The following ENAH variants were observed in gnomAD, a reference collection of about 807,000 sequenced individuals.
ENAH encodes the protein ENAH actin regulator.
A neutral mutation model predicts 78.7 loss-of-function variants in ENAH; 23 were observed. The observed-to-expected ratio is 0.29, with a 90% CI of 0.21 to 0.41. ENAH has a LOEUF of 0.41. Ranked by LOEUF, ENAH falls within the 10% of genes least tolerant of loss-of-function variation. The pLI is 1.00. For synonymous variants in ENAH, 226 were observed against 241.0 expected (o/e 0.94, Z 0.58); for missense variants, 544 against 691.0 (o/e 0.79, Z 2.39).
intron 1 of ENAH, among the ~76,000 whole-genome samples, chr1:225,646,372 C>G (rs978034206): frequency 5.3e-5 from 8 of 152,056 alleles, no homozygotes; most frequent in African/African-American, 1.9e-4. Context: ...AGAAATCCCC[C>G]CTCATCTCCC....
At chr1:225,556,992 G>A (rs1270498742) in intron 2 of ENAH, among the ~76,000 whole-genome samples, 1 of 152,146 alleles carries the variant, frequency 6.6e-6, no homozygotes, top group Non-Finnish European at 1.5e-5. Flanking sequence ...TTCACCTACA[G>A]ATCAATATGC....
intron 1 of ENAH, 98 bp downstream of exon 1, chr1:225,652,588 G>C: frequency 8.5e-7 from 1 of 1,173,816 alleles, no homozygotes; most frequent in Non-Finnish European, 1.1e-6. Context: ...GGGGAGACGC[G>C]CCGGGCCGGG....
chr1:225,499,708 A>G (rs1328195441), intron 12 of ENAH, among the ~76,000 whole-genome samples: 1 of 152,132 alleles, frequency 6.6e-6, no homozygotes, highest in African/African-American at 2.4e-5. Context: ...AACCCCCTGC[A>G]GATTCAAGAT....
chr1:225,583,889 G>C (rs903782019), intron 1 of ENAH, among the ~76,000 whole-genome samples: 1 of 151,806 alleles, frequency 6.6e-6, no homozygotes, highest in South Asian at 2.1e-4. Flanking sequence ...ACAGTGGCTC[G>C]CACCTGTAAT....
intron 2 of ENAH, among the ~76,000 whole-genome samples, chr1:225,563,650 G>GT (rs1054241197): frequency 6.6e-6 from 1 of 152,040 alleles, no homozygotes; most frequent in African/African-American, 2.4e-5. Flanking sequence ...CTTTTGTTTT[G>GT]TTTTTTACTC....
chr1:225,583,535 G>A (rs549773250), intron 1 of ENAH, among the ~76,000 whole-genome samples: 1 of 152,122 alleles, frequency 6.6e-6, no homozygotes, highest in Admixed American at 6.5e-5. Context: ...ATTAGGCTGG[G>A]CGCAGTGGCA....
intron 1 of ENAH, among the ~76,000 whole-genome samples, chr1:225,594,046 AG>A: frequency 6.6e-6 from 1 of 152,218 alleles, no homozygotes; most frequent in East Asian, 1.9e-4. Flanking sequence ...CTTAGGAAGA[AG>A]GTGAAACGAG....
intron 1 of ENAH, among the ~76,000 whole-genome samples, chr1:225,614,737 T>C (rs1308127384): frequency 6.6e-6 from 1 of 152,148 alleles, no homozygotes; most frequent in Non-Finnish European, 1.5e-5. Flanking sequence ...AAGACATTTA[T>C]TACAGTACTT....
At chr1:225,616,660 C>T (rs1022827524) in intron 1 of ENAH, among the ~76,000 whole-genome samples, 7 of 151,992 alleles carry the variant, frequency 4.6e-5, no homozygotes, top group Non-Finnish European at 2.9e-5. Context: ...GCTCAAAAAT[C>T]AAAAGTGATA....
rs2096210364 is a variant in ENAH at position 225,488,839 on chromosome 1, A to T, written c.*8936T>A. On this transcript the variant is annotated 3_prime_UTR_variant, in exon 14 of 14. Transcript: ENST00000366843. ...AATTATCTTTATCTTCCTAAGACGA[A>T]GCAAAGACTCAGAGCCCTCAAATGG... The T allele has an allele frequency of 6.6e-6, 1 of 152,214 alleles. No individual in the cohort carries two copies. The highest frequency in any genetic ancestry group is 1.5e-5 in the Non-Finnish European group (1 of 68,032). 9.4% of individuals were successfully genotyped at this position (152,214 alleles called of 1,614,324 possible).
intron 1 of ENAH, among the ~76,000 whole-genome samples, chr1:225,635,166 T>C (rs1412730099): frequency 1.3e-5 from 2 of 152,220 alleles, no homozygotes; most frequent in Non-Finnish European, 1.5e-5. Context: ...GTTAAATTTA[T>C]TCCTAGGTGT....
At chr1:225,650,390 G>C (rs1009043181) in intron 1 of ENAH, among the ~76,000 whole-genome samples, 2 of 152,166 alleles carry the variant, frequency 1.3e-5, no homozygotes, top group South Asian at 4.1e-4. Context: ...AAAAACAGAA[G>C]TTACTTTTTA....
At position 225,554,354 on chromosome 1, in the gene ENAH, A is replaced by G. The variant is rs531889234; in HGVS notation, c.349+552T>C. Among the ~76,000 whole-genome samples the G allele has an allele frequency of 6.6e-5, 10 of 152,262 alleles. No homozygotes were observed. In the South Asian group the frequency reaches 1.9e-3, roughly 28 times the overall value. On this transcript the variant is annotated intron_variant, in intron 3 of 13. Coordinates refer to ENST00000366843, the MANE Select transcript of ENAH (RefSeq NM_018212.6). ...TTTTTTTAAAAAGTGATTTCTATAT[A>G]TATTTCTAACCAATATGCACTATCA...
chr1:225,628,834 A>C (rs557873182), intron 1 of ENAH, among the ~76,000 whole-genome samples: 1 of 149,710 alleles, frequency 6.7e-6, no homozygotes, highest in Non-Finnish European at 1.5e-5. Flanking sequence ...TGAACCTGGG[A>C]GGCGGAGGTT....
At chr1:225,529,620 C>A (rs1044390171) in intron 4 of ENAH, among the ~76,000 whole-genome samples, 2 of 152,074 alleles carry the variant, frequency 1.3e-5, no homozygotes, top group African/African-American at 4.8e-5. Context: ...ACTCTCCCCA[C>A]CCTTCCCAAT....
At chr1:225,613,238 G>A (rs1470007357) in intron 1 of ENAH, among the ~76,000 whole-genome samples, 1 of 151,950 alleles carries the variant, frequency 6.6e-6, no homozygotes, top group African/African-American at 2.4e-5. Flanking sequence ...GAAGCCTTCC[G>A]TGACCACCCC....
intron 1 of ENAH, among the ~76,000 whole-genome samples, chr1:225,612,087 T>C (rs536142674): frequency 6.6e-6 from 1 of 152,242 alleles, no homozygotes; most frequent in East Asian, 1.9e-4. Context: ...CTCCTAGATA[T>C]ATGTCCGAAA....
At chr1:225,538,138 TCAG>T (rs2096571161) in intron 3 of ENAH, among the ~76,000 whole-genome samples, 1 of 152,158 alleles carries the variant, frequency 6.6e-6, no homozygotes, top group Non-Finnish European at 1.5e-5. Flanking sequence ...GATCACAACA[TCAG>T]CATCTAAATT....
chr1:225,529,975 T>C (rs2096529874), intron 4 of ENAH, among the ~76,000 whole-genome samples: 1 of 152,214 alleles, frequency 6.6e-6, no homozygotes, highest in Non-Finnish European at 1.5e-5. Flanking sequence ...GTGGAACTTT[T>C]AGTAGCTCAG....
Sources: gnomAD v4.1 joint callset for allele counts (sites outside exome capture counted in the v4.1 genomes callset) on GRCh38, gnomAD v4.1.1 for gene constraint, MANE v1.5 for transcripts, NCBI Gene and HGNC (gene_info 2026-07-23, HGNC 2026-07-21) for gene names.